Variants in NMNAT2 observed in about 807,000 individuals in gnomAD.
NMNAT2 encodes the protein nicotinamide nucleotide adenylyltransferase 2, also known as nicotinamide/nicotinic acid mononucleotide adenylyltransferase 2.
A neutral mutation model predicts 41.6 loss-of-function variants in NMNAT2; 11 were observed. That is an observed-to-expected ratio of 0.26 (90% CI 0.17 to 0.44). NMNAT2 has a LOEUF of 0.44. Among genes scored for constraint, NMNAT2 ranks in the 20% least tolerant of loss-of-function variants. NMNAT2 has a pLI of 1.00. For missense variants in NMNAT2, 288 were observed against 407.7 expected (o/e 0.71, Z 2.53); for synonymous variants, 148 against 151.2 (o/e 0.98, Z 0.16).
intron 1 of NMNAT2, among the ~76,000 whole-genome samples, chr1:183,304,339 T>C (rs1465462504): frequency 1.3e-5 from 2 of 152,156 alleles, no homozygotes; most frequent in Non-Finnish European, 2.9e-5. Flanking sequence ...GTGGGGTAGA[T>C]AGCATGATAG....
Position 183,298,775 on chromosome 1 carries a change from A to T in NMNAT2, c.86-4982T>A, listed in dbSNP as rs1661770797. On this transcript the variant is annotated intron_variant, in intron 1 of 10. Transcript: ENST00000287713. ...CATAGTCTAGTGGTTAGGAACAACA[A>T]CAACAACAACAAGAGACATACTATG... Among the ~76,000 whole-genome samples the T allele has an allele frequency of 2.0e-5, 3 of 152,338 alleles. No individual in the cohort carries two copies. In the South Asian group the frequency reaches 6.2e-4, roughly 32 times the overall value.
At chr1:183,321,382 A>G (rs1571596779) in intron 1 of NMNAT2, among the ~76,000 whole-genome samples, 1 of 152,232 alleles carries the variant, frequency 6.6e-6, no homozygotes, top group East Asian at 1.9e-4. Context: ...ATTTAGATGA[A>G]AGAGAAAGAG....
intron 1 of NMNAT2, among the ~76,000 whole-genome samples, chr1:183,396,385 G>GAA (rs1557899520): frequency 6.6e-6 from 1 of 152,192 alleles, no homozygotes; most frequent in Admixed American, 6.5e-5. Flanking sequence ...CCAGTAGACA[G>GAA]AAAACACCTG....
At chr1:183,313,032 C>CGTGGAG (rs1423274147) in intron 1 of NMNAT2, among the ~76,000 whole-genome samples, 1 of 152,162 alleles carries the variant, frequency 6.6e-6, no homozygotes, top group Non-Finnish European at 1.5e-5. Context: ...AGCTTTCACT[C>CGTGGAG]GTGGAGCTGT....
At chr1:183,417,924 C>A (rs1040995383) in intron 1 of NMNAT2, among the ~76,000 whole-genome samples, 3 of 152,062 alleles carry the variant, frequency 2.0e-5, no homozygotes, top group Non-Finnish European at 4.4e-5. Flanking sequence ...CCAAATGATA[C>A]TCATCTCTAG....
At chr1:183,268,775 C>G (rs1660886579) in intron 8 of NMNAT2, among the ~76,000 whole-genome samples, 1 of 152,216 alleles carries the variant, frequency 6.6e-6, no homozygotes. Context: ...GGTGTGATGT[C>G]TCACACCTGT....
rs149801872 is a variant in NMNAT2 at position 183,261,523 on chromosome 1, C to G, written c.652-220G>C. ...GAAAGCATTGACTGGTCACAGAAGT[C>G]GCTTAATAAATACCCTAGACTTAAG... On this transcript the variant is annotated intron_variant, in intron 8 of 10. Transcript: ENST00000287713. Among the ~76,000 whole-genome samples, 25 of 152,280 alleles carry G rather than the reference C, an allele frequency of 1.6e-4. No individual in the cohort carries two copies. In the East Asian group the frequency reaches 4.6e-3, roughly 28 times the overall value.
intron 6 of NMNAT2, among the ~76,000 whole-genome samples, 168 bp downstream of exon 6, chr1:183,284,542 T>G (rs1285705470): frequency 6.6e-6 from 1 of 152,212 alleles, no homozygotes; most frequent in East Asian, 1.9e-4. Context: ...TGTGCCCTTG[T>G]GTGTGCAACG....
At chr1:183,275,557 G>T (rs1050073820) in intron 8 of NMNAT2, among the ~76,000 whole-genome samples, 4 of 151,754 alleles carry the variant, frequency 2.6e-5, no homozygotes, top group East Asian at 1.9e-4. Context: ...TAGATGTGGG[G>T]TCCCTGCTGG....
chr1:183,263,962 G>C (rs1660736489), intron 8 of NMNAT2, among the ~76,000 whole-genome samples: 1 of 152,120 alleles, frequency 6.6e-6, no homozygotes, highest in Non-Finnish European at 1.5e-5. Context: ...GGGGAAATTG[G>C]CAGAGAAAGA....
rs1660403627 is a variant in NMNAT2 at position 183,252,195 on chromosome 1, G to A, written c.*446C>T. On this transcript the variant is annotated 3_prime_UTR_variant, in exon 11 of 11. Coordinates refer to ENST00000287713, the MANE Select transcript of NMNAT2 (RefSeq NM_015039.4). The stretch of plus-strand genomic sequence containing the variant: ...AGAAAAATAGCCCTTTGTAGTAAAG[G>A]GCATGCTGGGAAGGCAAGAGCCAGA... 6.1e-6 allele frequency: 1 copy of A among 164,452 alleles called. No individual in the cohort carries two copies. The highest frequency in any genetic ancestry group is 6.1e-5 in the Admixed American group (1 of 16,488). The allele number at this position is 164,452 out of a possible 1,614,324, so 10.2% of individuals were successfully genotyped here. A position where few individuals can be genotyped will look rare whatever the true frequency, so the allele number is the denominator to read the frequency against.
At chr1:183,312,117 T>A (rs1409171253) in intron 1 of NMNAT2, among the ~76,000 whole-genome samples, 2 of 152,194 alleles carry the variant, frequency 1.3e-5, no homozygotes, top group East Asian at 3.8e-4. Context: ...GTCTCAGTTA[T>A]GTCTTTACCG....
chr1:183,272,277 A>G (rs563846330), intron 8 of NMNAT2, among the ~76,000 whole-genome samples: 1 of 152,298 alleles, frequency 6.6e-6, no homozygotes, highest in Admixed American at 6.5e-5. Context: ...GATGCAGCAA[A>G]GCAAAGGAGC....
intron 1 of NMNAT2, among the ~76,000 whole-genome samples, chr1:183,365,312 C>A (rs945557133): frequency 1.3e-5 from 2 of 151,470 alleles, no homozygotes; most frequent in East Asian, 3.9e-4. Flanking sequence ...GGCAACAGAG[C>A]GGCAGCCCAG....
intron 1 of NMNAT2, among the ~76,000 whole-genome samples, chr1:183,318,597 G>C (rs1488333779): frequency 6.6e-6 from 1 of 152,186 alleles, no homozygotes; most frequent in Non-Finnish European, 1.5e-5. Context: ...AGAAGGGAGG[G>C]TTTAGGGAGG....
chr1:183,413,033 T>C (rs1293810563), intron 1 of NMNAT2, among the ~76,000 whole-genome samples: 19 of 152,236 alleles, frequency 1.2e-4, no homozygotes, highest in Admixed American at 1.2e-3. Flanking sequence ...ATAAGAATTT[T>C]CCTGGCTGGC....
chr1:183,366,883 C>T (rs118114785), intron 1 of NMNAT2, among the ~76,000 whole-genome samples: 3 of 152,200 alleles, frequency 2.0e-5, no homozygotes, highest in East Asian at 1.9e-4. Flanking sequence ...CAAGCAAAAC[C>T]GGCTTATCTG....
chr1:183,384,426 C>T (rs555725326), intron 1 of NMNAT2, among the ~76,000 whole-genome samples: 20 of 152,326 alleles, frequency 1.3e-4, no homozygotes, highest in Middle Eastern at 3.4e-3. Context: ...TCTCAAACTC[C>T]TGACCTCAAG....
chr1:183,392,646 T>C (rs1034788095), intron 1 of NMNAT2, among the ~76,000 whole-genome samples: 2 of 152,178 alleles, frequency 1.3e-5, no homozygotes, highest in Non-Finnish European at 2.9e-5. Context: ...CCCCTCTCTC[T>C]TCCTCCGCTC....
Sources: gnomAD v4.1 joint callset for allele counts (sites outside exome capture counted in the v4.1 genomes callset) on GRCh38, gnomAD v4.1.1 for gene constraint, MANE v1.5 for transcripts, NCBI Gene and HGNC (gene_info 2026-07-23, HGNC 2026-07-21) for gene names.